FANCA: variants seen among roughly 807,000 people sequenced by gnomAD.
FANCA encodes the protein Fanconi anemia group A protein.
Under a neutral mutation model 194.3 loss-of-function variants are expected in FANCA, and 236 were observed. The observed-to-expected ratio is 1.21, with a 90% CI of 1.09 to 1.35. The LOEUF (loss-of-function observed/expected upper bound fraction) is 1.35. Among genes scored for constraint, FANCA ranks in the 40% most tolerant of loss-of-function variants. The pLI is 0.00. For missense variants in FANCA, 2,628 were observed against 1,813.9 expected (o/e 1.45, Z -8.15); for synonymous variants, 1,014 against 715.8 (o/e 1.42, Z -6.65).
intron 20 of FANCA, 64 bp downstream of exon 20, chr16:89,778,737 C>G (rs2039601110): frequency 4.1e-6 from 6 of 1,472,624 alleles, no homozygotes; most frequent in African/African-American, 1.4e-5. Flanking sequence ...AGAAGATCCA[C>G]AATTCTTCGC....
intron 10 of FANCA, 188 bp downstream of exon 10, chr16:89,798,978 G>T: frequency 6.2e-6 from 10 of 1,613,584 alleles, no homozygotes; most frequent in Non-Finnish European, 8.5e-6. Context: ...ACAGGAAAAG[G>T]CTGACCAGAG....
chr16:89,740,041 T>C lies in FANCA; in HGVS notation c.3887A>G (p.Glu1296Gly), dbSNP rs2151714735. ...HVCAAILECLEKRKISWLALF... is the reference protein window; with the variant it reads ...HVCAAILECLGKRKISWLALF... ...TGCCAGCCAGGATATCTTCCTCTTC[T>C]CTAAACACTCGAGGATTGCTGCACA... Residue 1296 changes from glutamate (E) to glycine (G), a missense_variant, in exon 39 of 43, where the codon GAG becomes GGG. Transcript: ENST00000389301. The C allele has an allele frequency of 6.2e-7, 1 of 1,614,168 alleles. No homozygotes were observed. Among genetic ancestry groups the C allele is most frequent in the East Asian group, 2.2e-5 (1 of 44,880 alleles).
At position 89,791,431 on chromosome 16, in the gene FANCA, G is replaced by A. The variant is rs144234991; in HGVS notation, c.1331C>T (p.Ala444Val). Residue 444 changes from alanine to valine, a missense_variant, in exon 14 of 43, where the codon GCG becomes GTG. By Grantham distance (64) the Ala-to-Val change is moderately conservative. Transcript: ENST00000389301. ...GAACCAGTCTGCATATGACAGGAACGCAGAGGGGCCCTCCAGTGCTGCCTG... is the reference window on the plus strand; with the variant it reads ...GAACCAGTCTGCATATGACAGGAACACAGAGGGGCCCTCCAGTGCTGCCTG... ...VRQAALEGPSAFLSYADWFKA... is the reference protein window; with the variant it reads ...VRQAALEGPSVFLSYADWFKA... 2.1e-5 allele frequency: 34 copies of A among 1,614,080 alleles called. No individual in the cohort carries two copies. Among genetic ancestry groups the A allele is most frequent in the Admixed American group, 1.0e-4 (6 of 60,014 alleles).
chr16:89,766,247 G>A (rs958287807), intron 27 of FANCA, among the ~76,000 whole-genome samples: 28 of 151,394 alleles, frequency 1.8e-4, no homozygotes, highest in South Asian at 4.2e-4. Context: ...TGCCCGCCTC[G>A]GCCTCCCAAA....
chr16:89,788,232 T>A (rs1053272433), intron 14 of FANCA, among the ~76,000 whole-genome samples: 1 of 151,922 alleles, frequency 6.6e-6, no homozygotes, highest in African/African-American at 2.4e-5. Flanking sequence ...GGAGGCTAAG[T>A]GGGGCGGATG....
intron 29 of FANCA, 107 bp downstream of exon 29, chr16:89,761,842 C>T (rs2038963397): frequency 2.2e-6 from 2 of 899,136 alleles, no homozygotes; most frequent in Non-Finnish European, 3.8e-6. Flanking sequence ...CCCAGGCTGA[C>T]CTCAAACTCC....
intron 1 of FANCA, 163 bp downstream of exon 1, chr16:89,816,374 G>T (rs1598203859): frequency 6.7e-6 from 3 of 447,054 alleles, no homozygotes; most frequent in African/African-American, 2.1e-5. Context: ...CCGGGTCCGA[G>T]GCAGCCGCGC....
At chr16:89,780,608 G>C (rs1260586019) in intron 17 of FANCA, among the ~76,000 whole-genome samples, 5 of 143,332 alleles carry the variant, frequency 3.5e-5, no homozygotes, top group Non-Finnish European at 7.5e-5. Flanking sequence ...TGGGCAACAG[G>C]GGAAGTCCCT....
rs765511437 is a variant in FANCA, at chr16:89,746,707, C to G, written c.3409-19G>C. On this transcript the variant is annotated intron_variant, in intron 34 of 42. Coordinates refer to ENST00000389301, the MANE Select transcript of FANCA (RefSeq NM_000135.4). ...GGAGGCCCTGCAGGAGAGAACGCAGCAGGAGGTCAGCGGTTTGTGAGGACC... is the reference window on the plus strand; with the variant it reads ...GGAGGCCCTGCAGGAGAGAACGCAGGAGGAGGTCAGCGGTTTGTGAGGACC... The G allele has an allele frequency of 1.2e-6, 2 of 1,612,260 alleles. No individual in the cohort carries two copies. The highest frequency in any genetic ancestry group is 1.7e-6 in the Non-Finnish European group (2 of 1,178,506).
At chr16:89,770,076 T>G (rs1350546433) in intron 25 of FANCA, 52 bp from the exon 26 acceptor site, 2 of 1,595,830 alleles carry the variant, frequency 1.3e-6, no homozygotes, top group African/African-American at 2.7e-5. Flanking sequence ...CAAGCTGGAA[T>G]TTTCCAGGGC....
At chr16:89,762,680 G>T in intron 28 of FANCA, 1 of 378,320 alleles carries the variant, frequency 2.6e-6, no homozygotes. Flanking sequence ...CCAGGCTGGA[G>T]TGTGTGCAGT....
At position 89,781,478 on chromosome 16, in the gene FANCA, C is replaced by A. The variant is rs181558146; in HGVS notation, c.1626+1381G>T. Among the ~76,000 whole-genome samples the A allele has an allele frequency of 4.6e-3, 665 of 143,528 alleles. 5 individuals are homozygous for A. Among genetic ancestry groups the A allele is most frequent in the African/African-American group, 0.016 (631 of 38,590 alleles). 94.2% of individuals were successfully genotyped at this position (143,528 alleles called of 152,430 possible). ...CACGAGGTCAGGAGATTGAGACCATCCTGGATAACATGGTGAAACCCCATC... is the reference window on the plus strand; with the variant it reads ...CACGAGGTCAGGAGATTGAGACCATACTGGATAACATGGTGAAACCCCATC... On this transcript the variant is annotated intron_variant, in intron 17 of 42. Coordinates refer to ENST00000389301, the MANE Select transcript of FANCA (RefSeq NM_000135.4).
At chr16:89,783,711 G>A (rs912388316) in intron 15 of FANCA, among the ~76,000 whole-genome samples, 1 of 152,148 alleles carries the variant, frequency 6.6e-6, no homozygotes, top group African/African-American at 2.4e-5. Context: ...GGCCCCGGCC[G>A]CCTGCAGCTC....
intron 14 of FANCA, among the ~76,000 whole-genome samples, chr16:89,790,332 T>G (rs978273660): frequency 6.6e-6 from 1 of 151,610 alleles, no homozygotes; most frequent in Admixed American, 6.6e-5. Context: ...AGGAGGAGGT[T>G]GCAGTGAGCC....
intron 27 of FANCA, 60 bp from the exon 28 acceptor site, chr16:89,765,126 A>G: frequency 6.3e-7 from 1 of 1,588,428 alleles, no homozygotes; most frequent in South Asian, 1.1e-5. Context: ...TGAGTGGCTG[A>G]GCAAATGCTC....
Position 89,737,987 on chromosome 16 carries a change from G to A in FANCA, c.*614C>T. On this transcript the variant is annotated 3_prime_UTR_variant, in exon 43 of 43. Coordinates refer to ENST00000389301, the MANE Select transcript of FANCA (RefSeq NM_000135.4). The stretch of plus-strand genomic sequence containing the variant: ...CCTCTGTCCCCCAGGTGTGAGGTCT[G>A]TGGGTTCCAGTGCAGGCAGCGGGCA... The A allele has an allele frequency of 1.2e-6, 2 of 1,614,174 alleles. No individual in the cohort carries two copies. The highest frequency in any genetic ancestry group is 1.7e-6 in the Non-Finnish European group (2 of 1,180,044).
intron 33 of FANCA, among the ~76,000 whole-genome samples, chr16:89,747,907 G>T (rs2038446511): frequency 6.6e-6 from 1 of 152,046 alleles, no homozygotes; most frequent in African/African-American, 2.4e-5. Flanking sequence ...CGTCCCCACA[G>T]CGAGTGTCAC....
chr16:89,770,101 G>C lies in FANCA; in HGVS notation c.2316+65C>G, dbSNP rs1800343. ...TTTTCCAGGGCACTGAAGACGAATT[G>C]AGAAGTAGCAGCCTGGCCCTCAGAG... On this transcript the variant is annotated intron_variant, in intron 25 of 42. Transcript: ENST00000389301. 3,100 of 1,574,762 alleles carry C rather than the reference G, an allele frequency of 2.0e-3. 48 individuals carry two copies. The African/African-American group carries it at 0.035, about 18-fold the overall frequency.
In FANCA at chr16:89,816,536, C is replaced by T. The variant is rs1483028018; in HGVS notation, c.79+1G>A. On this transcript the variant is annotated splice_donor_variant, in intron 1 of 42. Transcript: ENST00000389301. LOFTEE classifies it high-confidence loss of function. ...TCCCGCGGCCTGCCGCGCCCACCTA[C>T]CCAGCAGCTCGGCCCAGGCCCTCCG... The T allele has an allele frequency of 6.7e-7, 1 of 1,495,498 alleles. No individual in the cohort carries two copies. Among genetic ancestry groups the T allele is most frequent in the South Asian group, 1.2e-5 (1 of 80,388 alleles). The allele number at this position is 1,495,498 out of a possible 1,614,324, so 92.6% of individuals were successfully genotyped here.
Sources: allele counts gnomAD v4.1 joint callset (sites outside exome capture counted in the v4.1 genomes callset), GRCh38; gene constraint gnomAD v4.1.1; transcripts MANE v1.5; gene names NCBI Gene and HGNC (gene_info 2026-07-23, HGNC 2026-07-21).